The following ADAMTS3 variants were observed in gnomAD, a reference collection of about 807,000 sequenced individuals.
The protein encoded by ADAMTS3 is A disintegrin and metalloproteinase with thrombospondin motifs 3.
ADAMTS3 carries 73 observed loss-of-function variants against 129.0 expected under a neutral mutation model. That is an observed-to-expected ratio of 0.57 (90% CI 0.47 to 0.69). ADAMTS3 has a LOEUF of 0.69. Among genes scored for constraint, ADAMTS3 ranks in the 30% least tolerant of loss-of-function variants. The probability of loss-of-function intolerance (pLI) is 0.00; values close to 1 mark genes in which losing one functional copy is unlikely to be tolerated. For missense variants in ADAMTS3, 1,457 were observed against 1,514.5 expected, an observed-to-expected ratio of 0.96 and a Z score of 0.63; for synonymous variants, 477 against 510.8, an observed-to-expected ratio of 0.93 and a Z score of 0.89.
chr4:72,369,072 C>T (rs533348932), intron 4 of ADAMTS3, among the ~76,000 whole-genome samples: 2 of 152,280 alleles, frequency 1.3e-5, no homozygotes, highest in Non-Finnish European at 2.9e-5. Flanking sequence ...ACAAAACACA[C>T]AGATTGCAAA....
At chr4:72,315,596 T>C (rs996668329) in intron 11 of ADAMTS3, among the ~76,000 whole-genome samples, 1 of 152,166 alleles carries the variant, frequency 6.6e-6, no homozygotes, top group African/African-American at 2.4e-5. Context: ...TTTCAGTTCA[T>C]TGAAATTGAT....
chr4:72,368,004 T>C (rs1183779574), intron 4 of ADAMTS3, among the ~76,000 whole-genome samples: 1 of 152,212 alleles, frequency 6.6e-6, no homozygotes, highest in Non-Finnish European at 1.5e-5. Context: ...GTGACATATT[T>C]AGTAACATGA....
intron 4 of ADAMTS3, among the ~76,000 whole-genome samples, chr4:72,369,124 C>A (rs1367821213): frequency 6.6e-6 from 1 of 152,210 alleles, no homozygotes; most frequent in Non-Finnish European, 1.5e-5. Flanking sequence ...CGAACACTTA[C>A]ACATGTGATA....
At chr4:72,409,123 T>C (rs1005384150) in intron 4 of ADAMTS3, among the ~76,000 whole-genome samples, 3 of 152,114 alleles carry the variant, frequency 2.0e-5, no homozygotes, top group Non-Finnish European at 2.9e-5. Context: ...ACGCTTGGCA[T>C]GAGCAGAGTC....
At chr4:72,559,469 T>C (rs534507151) in intron 2 of ADAMTS3, among the ~76,000 whole-genome samples, 2 of 151,698 alleles carry the variant, frequency 1.3e-5, no homozygotes, top group African/African-American at 2.4e-5. Flanking sequence ...AGATAATACA[T>C]GAAAACAAAA....
chr4:72,483,934 C>T (rs1030516067), intron 3 of ADAMTS3, among the ~76,000 whole-genome samples: 2 of 152,060 alleles, frequency 1.3e-5, no homozygotes, highest in South Asian at 2.1e-4. Flanking sequence ...AGGAGAATGG[C>T]GTGAACCCAG....
chr4:72,492,559 T>C (rs1273785084), intron 3 of ADAMTS3, among the ~76,000 whole-genome samples: 1 of 151,886 alleles, frequency 6.6e-6, no homozygotes, highest in East Asian at 1.9e-4. Flanking sequence ...TATTGCACTG[T>C]GCTCAGAAAA....
At chr4:72,324,724 C>A (rs1334389433) in intron 5 of ADAMTS3, among the ~76,000 whole-genome samples, 2 of 152,016 alleles carry the variant, frequency 1.3e-5, no homozygotes, top group Non-Finnish European at 2.9e-5. Context: ...ACAAGTTGTC[C>A]CACTCTAGGC....
chr4:72,531,938 T>C (rs1194120568), intron 3 of ADAMTS3, among the ~76,000 whole-genome samples: 1 of 151,228 alleles, frequency 6.6e-6, no homozygotes. Flanking sequence ...GAAAGGGGAC[T>C]AAAAGAGGGA....
intron 13 of ADAMTS3, 90 bp downstream of exon 13, chr4:72,312,201 G>T: frequency 7.0e-7 from 1 of 1,418,818 alleles, no homozygotes; most frequent in South Asian, 1.2e-5. Flanking sequence ...TTACCACATA[G>T]GGATCAAGAG....
chr4:72,506,968 C>T (rs896542239), intron 3 of ADAMTS3, among the ~76,000 whole-genome samples: 10 of 152,132 alleles, frequency 6.6e-5, no homozygotes, highest in Admixed American at 5.9e-4. Flanking sequence ...GCCTCTAATC[C>T]ACCTTCTTCT....
intron 3 of ADAMTS3, among the ~76,000 whole-genome samples, chr4:72,503,529 G>T (rs772704691): frequency 3.9e-4 from 60 of 152,236 alleles, no homozygotes; most frequent in Admixed American, 2.2e-3. Flanking sequence ...CAAGCATGTG[G>T]TCTATCTTGG....
intron 3 of ADAMTS3, among the ~76,000 whole-genome samples, chr4:72,503,901 A>C (rs533553470): frequency 6.6e-6 from 1 of 152,140 alleles, no homozygotes; most frequent in Non-Finnish European, 1.5e-5. Context: ...TGTTTCATCT[A>C]ATATAAGAAT....
At chr4:72,476,586 G>A (rs1719240062) in intron 3 of ADAMTS3, among the ~76,000 whole-genome samples, 1 of 151,910 alleles carries the variant, frequency 6.6e-6, no homozygotes, top group Admixed American at 6.6e-5. Flanking sequence ...CCAGAAAACA[G>A]AAGAAGAAAA....
intron 3 of ADAMTS3, among the ~76,000 whole-genome samples, chr4:72,517,673 G>A (rs1203573553): frequency 3.9e-5 from 6 of 152,080 alleles, no homozygotes; most frequent in Middle Eastern, 3.4e-3. Context: ...CTGTGGGATC[G>A]GTGGTGATAT....
intron 3 of ADAMTS3, among the ~76,000 whole-genome samples, chr4:72,518,866 T>G (rs1245697685): frequency 6.6e-6 from 1 of 151,916 alleles, no homozygotes; most frequent in East Asian, 1.9e-4. Context: ...ATGTGTGAAT[T>G]TGATCCTGTC....
intron 4 of ADAMTS3, among the ~76,000 whole-genome samples, chr4:72,359,688 T>C (rs1240880336): frequency 6.6e-6 from 1 of 152,010 alleles, no homozygotes; most frequent in Non-Finnish European, 1.5e-5. Flanking sequence ...ATTACAGTAA[T>C]GCTAAAGAAA....
intron 4 of ADAMTS3, among the ~76,000 whole-genome samples, chr4:72,371,684 AT>A (rs1721012926): frequency 6.6e-6 from 1 of 152,094 alleles, no homozygotes; most frequent in Non-Finnish European, 1.5e-5. Flanking sequence ...AACAGTTATA[AT>A]TATAGTTGAA....
Position 72,548,806 on chromosome 4 carries a change from T to C in ADAMTS3, c.176A>G (p.His59Arg), listed in dbSNP as rs749410202. The C allele has an allele frequency of 5.0e-6, 8 of 1,613,856 alleles. No homozygotes were observed. ...CTTTTTGTGACTCGCAGAAAGAGTATGGGAGAGATAGCGTCCTTCTAGATT... is the reference window on the plus strand; with the variant it reads ...CTTTTTGTGACTCGCAGAAAGAGTACGGGAGAGATAGCGTCCTTCTAGATT... ...STNLEGRYLS[H>R]TLSASHKKRS... Residue 59 changes from histidine to arginine, a missense_variant, in exon 3 of 22, where the codon CAT (histidine) becomes CGT (arginine). Coordinates refer to ENST00000286657, the MANE Select transcript of ADAMTS3 (RefSeq NM_014243.3).
Sources: gnomAD v4.1 joint callset for allele counts (sites outside exome capture counted in the v4.1 genomes callset) on GRCh38, gnomAD v4.1.1 for gene constraint, MANE v1.5 for transcripts, NCBI Gene and HGNC (gene_info 2026-07-23, HGNC 2026-07-21) for gene names.